The following MEIOSIN variants were observed in gnomAD, a reference collection of about 807,000 sequenced individuals.
MEIOSIN encodes meiosis initiator.
Under a neutral mutation model 23.4 loss-of-function variants are expected in MEIOSIN, and 18 were observed. The observed-to-expected ratio is 0.77, with a 90% CI of 0.53 to 1.14. MEIOSIN has a LOEUF of 1.14. Ranked by LOEUF, MEIOSIN falls within the 50% of genes most tolerant of loss-of-function variation. MEIOSIN has a pLI of 0.00. For synonymous variants in MEIOSIN, 187 were observed against 100.6 expected (o/e 1.86, Z -5.14); for missense variants, 428 against 242.9 (o/e 1.76, Z -5.07).
Position 45,739,979 on chromosome 19 carries a change from T to G in MEIOSIN, c.176+249T>G, listed in dbSNP as rs1015427704. Among the ~76,000 whole-genome samples, 16 of 151,986 alleles carry G rather than the reference T, an allele frequency of 1.1e-4. 1 individual carries two copies. Among genetic ancestry groups the G allele is most frequent in the African/African-American group, 2.9e-4 (12 of 41,376 alleles). ...TCTCCTGCCTCAACCTCCCGAGTAG[T>G]TGGGATTACAGGCACGTGCCACCAC... On this transcript the variant is annotated intron_variant, in intron 3 of 14. Transcript: ENST00000457052.
intron 11 of MEIOSIN, among the ~76,000 whole-genome samples, 170 bp from the exon 12 acceptor site, chr19:45,761,509 G>A (rs1187459035): frequency 2.2e-5 from 3 of 134,718 alleles, no homozygotes; most frequent in Non-Finnish European, 4.6e-5. Context: ...GCCTCAAGCA[G>A]TCCTCCTGCC....
At chr19:45,746,295 A>G (rs1292982568) in intron 4 of MEIOSIN, among the ~76,000 whole-genome samples, 1 of 152,182 alleles carries the variant, frequency 6.6e-6, no homozygotes, top group African/African-American at 2.4e-5. Context: ...TCAAGTTGTC[A>G]GCAGGGTTGG....
chr19:45,751,873 G>A (rs1428055242), intron 5 of MEIOSIN, among the ~76,000 whole-genome samples: 1 of 151,538 alleles, frequency 6.6e-6, no homozygotes, highest in Non-Finnish European at 1.5e-5. Context: ...TAGGATTACA[G>A]GCACTCACCA....
chr19:45,750,267 T>G (rs1165910929), intron 4 of MEIOSIN, among the ~76,000 whole-genome samples: 2 of 146,786 alleles, frequency 1.4e-5, no homozygotes, highest in Non-Finnish European at 3.0e-5. Flanking sequence ...AACCTTTGCT[T>G]CAGGCTGTGT....
chr19:45,738,285 G>A (rs1237758737), intron 2 of MEIOSIN, among the ~76,000 whole-genome samples: 1 of 152,158 alleles, frequency 6.6e-6, no homozygotes. Context: ...AGCATCTACG[G>A]GGTTATGTCC....
At chr19:45,756,142 G>A in intron 8 of MEIOSIN, 64 bp downstream of exon 8, 1 of 691,252 alleles carries the variant, frequency 1.4e-6, no homozygotes, top group East Asian at 2.7e-5. Flanking sequence ...GTGGGTGAGG[G>A]GTAGTGGGAA....
chr19:45,755,984 G>T lies in MEIOSIN; in HGVS notation c.817G>T (p.Gly273Cys), dbSNP rs892231070. 1.3e-5 allele frequency: 9 copies of T among 702,608 alleles called. No individual in the cohort carries two copies. The highest frequency in any genetic ancestry group is 2.1e-5 in the Non-Finnish European group (8 of 385,008). 43.5% of individuals were successfully genotyped at this position (702,608 alleles called of 1,614,324 possible). ...CTGCCCCTTAGGCTGCTGGTGCCAG[G>T]GCAGTGTCCAGGATGACGCACCTTT... is the stretch of plus-strand genomic sequence containing the variant. Reference protein sequence around the residue: ...HCDISSCWCQGSVQDDAPFPA... With the variant: ...HCDISSCWCQCSVQDDAPFPA... Residue 273 changes from glycine to cysteine, a missense_variant, in exon 8 of 15, where the codon GGC becomes TGC. Coordinates refer to ENST00000457052, the MANE Select transcript of MEIOSIN (RefSeq NM_001310124.2).
At chr19:45,741,525 G>A (rs1968504354) in intron 3 of MEIOSIN, among the ~76,000 whole-genome samples, 1 of 152,052 alleles carries the variant, frequency 6.6e-6, no homozygotes, top group Non-Finnish European at 1.5e-5. Context: ...GCATTTTATG[G>A]ATAAATCAGC....
intron 4 of MEIOSIN, among the ~76,000 whole-genome samples, chr19:45,750,235 T>A (rs1600383123): frequency 6.8e-6 from 1 of 146,138 alleles, no homozygotes. Flanking sequence ...TGGAGTGCAG[T>A]GGCATGATCT....
chr19:45,758,619 G>A (rs1478518481), intron 9 of MEIOSIN, among the ~76,000 whole-genome samples: 2 of 150,322 alleles, frequency 1.3e-5, no homozygotes, highest in African/African-American at 2.4e-5. Context: ...TAGTAGAGAC[G>A]GGGTTTCACC....
chr19:45,736,561 G>T (rs1968411386), intron 2 of MEIOSIN, among the ~76,000 whole-genome samples: 1 of 151,246 alleles, frequency 6.6e-6, no homozygotes, highest in Non-Finnish European at 1.5e-5. Flanking sequence ...TAGAGACAGG[G>T]TCTCACTGTG....
chr19:45,762,228 G>A (rs1026353680), intron 13 of MEIOSIN, 45 bp downstream of exon 13: 22 of 405,016 alleles, frequency 5.4e-5, no homozygotes, highest in African/African-American at 3.9e-4. Context: ...CCCTGGCTTC[G>A]TTCTCTGCCC....
chr19:45,736,403 C>T (rs1968408701), intron 2 of MEIOSIN, among the ~76,000 whole-genome samples: 1 of 152,104 alleles, frequency 6.6e-6, no homozygotes, highest in African/African-American at 2.4e-5. Context: ...CTCTGATGCC[C>T]AGGCTGTAGA....
At chr19:45,752,195 G>C (rs1257240074) in intron 5 of MEIOSIN, among the ~76,000 whole-genome samples, 1 of 151,812 alleles carries the variant, frequency 6.6e-6, no homozygotes, top group African/African-American at 2.4e-5. Flanking sequence ...TTGTACTACA[G>C]GCACGTGCCA....
chr19:45,736,813 C>T (rs964950271), intron 2 of MEIOSIN, among the ~76,000 whole-genome samples: 9 of 151,464 alleles, frequency 5.9e-5, no homozygotes, highest in South Asian at 2.1e-4. Context: ...CCTCGTGATC[C>T]GCCCACCTCA....
chr19:45,757,711 G>C (rs1968858216), intron 9 of MEIOSIN, among the ~76,000 whole-genome samples: 2 of 152,028 alleles, frequency 1.3e-5, no homozygotes, highest in South Asian at 4.1e-4. Context: ...AGTAGAGATG[G>C]GGTTTCACCA....
At chr19:45,735,607 G>A (rs980662478) in intron 2 of MEIOSIN, among the ~76,000 whole-genome samples, 160 bp downstream of exon 2, 9 of 152,196 alleles carry the variant, frequency 5.9e-5, no homozygotes, top group Non-Finnish European at 8.8e-5. Flanking sequence ...AGGAAGTTGT[G>A]TACAAAGATG....
At position 45,763,394 on chromosome 19, in the gene MEIOSIN, G is replaced by A. The variant is rs751436869; in HGVS notation, c.1736G>A (p.Arg579Gln). ...ACCAAGGAGCTGGCCCAGCTGTGGC[G>A]GGTGATGACCCAGCAGGAGCGGAGG... ...AATKELAQLW[R>Q]VMTQQERRPY... The change falls in exon 14 of 15, where the codon CGG (arginine) becomes CAG (glutamine). Residue 579 changes from arginine to glutamine, a missense_variant. By Grantham distance (43) the Arg-to-Gln change is conservative. Coordinates refer to ENST00000457052, the MANE Select transcript of MEIOSIN (RefSeq NM_001310124.2). 1.3e-5 allele frequency: 5 copies of A among 398,686 alleles called. No homozygotes were observed. Among genetic ancestry groups the A allele is most frequent in the Non-Finnish European group, 1.8e-5 (4 of 226,170 alleles). 24.7% of individuals were successfully genotyped at this position (398,686 alleles called of 1,614,324 possible).
intron 5 of MEIOSIN, 26 bp downstream of exon 5, chr19:45,750,812 G>T (rs117516680): frequency 1.5e-5 from 9 of 583,662 alleles, no homozygotes; most frequent in Non-Finnish European, 2.7e-5. Flanking sequence ...AGTGTTTCCT[G>T]GTGCCTGTGA....
Sources: gnomAD v4.1 joint callset for allele counts (sites outside exome capture counted in the v4.1 genomes callset) on GRCh38, gnomAD v4.1.1 for gene constraint, MANE v1.5 for transcripts, NCBI Gene and HGNC (gene_info 2026-07-23, HGNC 2026-07-21) for gene names.